The following MKLN1 variants were observed in gnomAD, a reference collection of about 807,000 sequenced individuals.
MKLN1 encodes muskelin.
MKLN1 carries 18 observed loss-of-function variants against 99.0 expected under a neutral mutation model. The ratio of observed to expected loss-of-function variants is 0.18; its 90% confidence interval spans 0.13 to 0.27. The LOEUF is 0.27. Among genes scored for constraint, MKLN1 ranks in the 10% least tolerant of loss-of-function variants. The pLI, the probability that MKLN1 is intolerant of heterozygous loss-of-function variation, is 1.00. For synonymous variants in MKLN1, 288 were observed against 293.2 expected (o/e 0.98, Z 0.18); for missense variants, 621 against 875.9 (o/e 0.71, Z 3.67).
Position 131,487,483 on chromosome 7 carries a change from G to T in MKLN1, c.2087-124G>T. ...GTAGAACTGGGGTCAGATCAGTAGT[G>T]TCTGCCTGGTTTTGAAGCCTGATTT... is the stretch of plus-strand genomic sequence containing the variant. On this transcript the variant is annotated intron_variant, in intron 17 of 17. Transcript: ENST00000352689. The surrounding 1 kb of genome is among the most constrained non-coding windows in gnomAD (Gnocchi z 4.7). 3 of 1,057,562 alleles carry T rather than the reference G, an allele frequency of 2.8e-6. No individual in the cohort carries two copies. Among genetic ancestry groups the T allele is most frequent in the Non-Finnish European group, 4.1e-6 (3 of 736,174 alleles). 65.5% of individuals were successfully genotyped at this position (1,057,562 alleles called of 1,614,324 possible). A position where few individuals can be genotyped will look rare whatever the true frequency, so the allele number is the denominator to read the frequency against.
At chr7:131,176,118 T>G (rs1268479041) in intron 2 of MKLN1, among the ~76,000 whole-genome samples, 1 of 151,764 alleles carries the variant, frequency 6.6e-6, no homozygotes, top group Non-Finnish European at 1.5e-5. Flanking sequence ...TAAAGTTTAT[T>G]TTATCAAAAC....
At chr7:131,137,631 A>G (rs148695029) in intron 1 of MKLN1, among the ~76,000 whole-genome samples, 13 of 152,206 alleles carry the variant, frequency 8.5e-5, no homozygotes, top group African/African-American at 2.9e-4. Flanking sequence ...CTAGAGTGCA[A>G]TGGCGCAATC....
At chr7:131,240,531 T>C (rs1232422660) in intron 3 of MKLN1, among the ~76,000 whole-genome samples, 1 of 152,144 alleles carries the variant, frequency 6.6e-6, no homozygotes, top group Non-Finnish European at 1.5e-5. Flanking sequence ...TAAAAGTACA[T>C]GGAAATAGGA....
intron 1 of MKLN1, among the ~76,000 whole-genome samples, chr7:131,113,084 A>T (rs1400058287): frequency 2.6e-5 from 4 of 152,214 alleles, no homozygotes; most frequent in Non-Finnish European, 4.4e-5. Flanking sequence ...TATCATGAGA[A>T]CAAAGATGAA....
At position 131,170,431 on chromosome 7, in the gene MKLN1, C is replaced by T. The variant is rs529280622; in HGVS notation, c.-297+27490C>T. Among the ~76,000 whole-genome samples, 7 of 152,194 alleles carry T rather than the reference C, an allele frequency of 4.6e-5. No individual in the cohort carries two copies. In the South Asian group the frequency reaches 1.2e-3, roughly 27 times the overall value. On this transcript the variant is annotated intron_variant, in intron 2 of 7. Coordinates refer to the MKLN1 transcript ENST00000416992. The stretch of plus-strand genomic sequence containing the variant: ...ACATTTTTTGAAGGAATTTCAAGTT[C>T]GACTTTACAGCTTTAATTTAAAAGG...
intron 15 of MKLN1, 71 bp from the exon 16 acceptor site, chr7:131,470,771 T>G: frequency 3.0e-6 from 3 of 997,428 alleles, no homozygotes; most frequent in Non-Finnish European, 1.6e-6. Flanking sequence ...GTGTATTTTA[T>G]TCCAGGTCTG....
At chr7:131,466,739 G>A (rs1796671299) in intron 15 of MKLN1, among the ~76,000 whole-genome samples, 1 of 152,136 alleles carries the variant, frequency 6.6e-6, no homozygotes. Flanking sequence ...ACACGTGCCT[G>A]AGCTTTTGAT....
intron 3 of MKLN1, among the ~76,000 whole-genome samples, chr7:131,216,443 A>G (rs543124840): frequency 6.6e-6 from 1 of 151,958 alleles, no homozygotes; most frequent in East Asian, 1.9e-4. Context: ...AAAAAGAAAA[A>G]AAAGAAAGTT....
chr7:131,117,376 G>A (rs1795293589), intron 1 of MKLN1, among the ~76,000 whole-genome samples: 1 of 151,908 alleles, frequency 6.6e-6, no homozygotes, highest in Non-Finnish European at 1.5e-5. Context: ...ATTGCAGTGA[G>A]CCAAGATTGC....
At chr7:131,318,518 G>A (rs542139813) in intron 3 of MKLN1, among the ~76,000 whole-genome samples, 213 of 152,210 alleles carry the variant, frequency 1.4e-3, no homozygotes, top group Non-Finnish European at 2.5e-3. Flanking sequence ...ATCTGAAATC[G>A]TCACCCTAAC....
chr7:131,127,387 C>T (rs984600914), intron 1 of MKLN1, among the ~76,000 whole-genome samples: 8 of 151,828 alleles, frequency 5.3e-5, no homozygotes, highest in Non-Finnish European at 8.8e-5. Flanking sequence ...GGAGAGTGGG[C>T]GAGTACGACT....
At chr7:131,277,029 T>G (rs1797984715) in intron 3 of MKLN1, among the ~76,000 whole-genome samples, 1 of 152,174 alleles carries the variant, frequency 6.6e-6, no homozygotes, top group Non-Finnish European at 1.5e-5. Flanking sequence ...AAGAGCCAGA[T>G]ATATCAAGTG....
intron 3 of MKLN1, among the ~76,000 whole-genome samples, chr7:131,302,602 A>C (rs1307504825): frequency 6.6e-6 from 1 of 152,192 alleles, no homozygotes; most frequent in African/African-American, 2.4e-5. Context: ...AGCAGTTGAC[A>C]GTTCATCCAT....
chr7:131,110,483 A>T (rs967332874), intron 1 of MKLN1, among the ~76,000 whole-genome samples: 16 of 152,244 alleles, frequency 1.1e-4, no homozygotes, highest in African/African-American at 3.6e-4. Flanking sequence ...TTTGAGAAGT[A>T]TCAGCCCATC....
At chr7:131,156,716 T>A (rs1795974598) in intron 2 of MKLN1, among the ~76,000 whole-genome samples, 1 of 152,216 alleles carries the variant, frequency 6.6e-6, no homozygotes. Context: ...GTGTATTACA[T>A]GCTTTTTTGA....
chr7:131,149,486 T>C (rs763688004), intron 2 of MKLN1, among the ~76,000 whole-genome samples: 53 of 152,190 alleles, frequency 3.5e-4, no homozygotes, highest in Non-Finnish European at 6.6e-4. Flanking sequence ...ATTTAGCATT[T>C]AGCAAATGAA....
At chr7:131,239,216 A>G (rs765394198) in intron 3 of MKLN1, among the ~76,000 whole-genome samples, 12 of 152,090 alleles carry the variant, frequency 7.9e-5, no homozygotes, top group Non-Finnish European at 1.3e-4. Flanking sequence ...AATCATATAT[A>G]TTTGTGGTGT....
rs563506965 is a variant in MKLN1, at chr7:131,364,962, A to G, written c.99-10462A>G. Among the ~76,000 whole-genome samples, 503 of 152,210 alleles carry G rather than the reference A, an allele frequency of 3.3e-3. 1 individual carries two copies. The highest frequency in any genetic ancestry group is 9.0e-3 in the African/African-American group (374 of 41,538). The stretch of plus-strand genomic sequence containing the variant: ...GGTACTTTACGGTAAAATGATTTCT[A>G]TTCCTCTGGGTACCTCCCCAATAAT... On this transcript the variant is annotated intron_variant, in intron 1 of 17. Coordinates refer to ENST00000352689, the MANE Select transcript of MKLN1 (RefSeq NM_013255.5).
rs560727323 is a variant in MKLN1 at position 131,388,340 on chromosome 7, T to A, written c.312-544T>A. On this transcript the variant is annotated intron_variant, in intron 3 of 17. Coordinates refer to ENST00000352689, the MANE Select transcript of MKLN1 (RefSeq NM_013255.5). Reference sequence around the variant, plus strand: ...CCATAAATCATTGTGTCAGTCCTAGTTGTTTAAGTAGAGAGGTGATATCCA... The same window carrying A: ...CCATAAATCATTGTGTCAGTCCTAGATGTTTAAGTAGAGAGGTGATATCCA... Among the ~76,000 whole-genome samples, 20 of 152,262 alleles carry A rather than the reference T, an allele frequency of 1.3e-4. No individual in the cohort carries two copies. The South Asian group carries it at 3.9e-3, about 30-fold the overall frequency.
Sources: gnomAD v4.1 joint callset for allele counts (sites outside exome capture counted in the v4.1 genomes callset) on GRCh38, gnomAD v4.1.1 for gene constraint, Gnocchi (gnomAD v3.1) non-coding constraint, MANE v1.5 for transcripts, NCBI Gene and HGNC (gene_info 2026-07-23, HGNC 2026-07-21) for gene names.